Variants in CENPI observed in about 807,000 individuals in gnomAD.
CENPI encodes FSH primary response 1.
In CENPI, 4 loss-of-function variants were observed where a neutral mutation model predicts 60.4. That is an observed-to-expected ratio of 0.07 (90% CI 0.03 to 0.15). The LOEUF is 0.15. Ranked by LOEUF, CENPI falls within the 10% of genes least tolerant of loss-of-function variation. The probability of loss-of-function intolerance (pLI) is 1.00; values close to 1 mark genes in which losing one functional copy is unlikely to be tolerated. For synonymous variants in CENPI, 157 were observed against 189.4 expected (o/e 0.83, Z 1.40); for missense variants, 444 against 534.5 (o/e 0.83, Z 1.67).
At chrX:101,142,637 G>A (rs1602834477) in intron 16 of CENPI, among the ~76,000 whole-genome samples, 1 of 111,398 alleles carries the variant, frequency 9.0e-6, no homozygotes, top group East Asian at 2.8e-4. Context: ...ATGTGCTTCA[G>A]TGGGTGGGAA....
In CENPI at chrX:101,155,390, A is replaced by C. The variant is rs181343379; in HGVS notation, c.2095-6138A>C. Among the ~76,000 whole-genome samples the C allele has an allele frequency of 9.9e-5, 11 of 111,090 alleles. No homozygotes were observed. In the East Asian group the frequency reaches 3.1e-3, roughly 31 times the overall value. The stretch of plus-strand genomic sequence containing the variant: ...TTTTTAGTAGAGATGGGGTTTTACC[A>C]TGTTGGCCAGGCTGGTCTCAAACTC... On this transcript the variant is annotated intron_variant, in intron 20 of 21. Coordinates refer to ENST00000682095, the MANE Select transcript of CENPI (RefSeq NM_001386188.2).
At chrX:101,170,878 C>T (rs1028883614), downstream of CENPI, among the ~76,000 whole-genome samples, 7 of 111,030 alleles carry the variant, frequency 6.3e-5, no homozygotes, top group South Asian at 3.8e-4. Flanking sequence ...GCGATCTGTG[C>T]GCCTCAGACT....
chrX:101,171,850 A>G, the CENPI span, among the ~76,000 whole-genome samples: 1 of 112,177 alleles, frequency 8.9e-6, no homozygotes, highest in Non-Finnish European at 1.9e-5. Context: ...GAACTTTATC[A>G]TAGTTAAAAA....
At chrX:101,098,273 C>T (rs1446893591) in intron 1 of CENPI, 25 bp downstream of exon 1, 1 of 112,767 alleles carries the variant, frequency 8.9e-6, no homozygotes, top group Non-Finnish European at 1.9e-5. Flanking sequence ...TTAAGCACCG[C>T]GCGAAATGGG....
chrX:101,130,154 C>A, intron 13 of CENPI, 81 bp downstream of exon 13: 1 of 734,364 alleles, frequency 1.4e-6, no homozygotes, highest in Non-Finnish European at 2.1e-6. Context: ...CCTTTTCTTG[C>A]CCGGCTGCGG....
At chrX:101,115,708 G>C (rs1374969038) in intron 6 of CENPI, among the ~76,000 whole-genome samples, 1 of 111,533 alleles carries the variant, frequency 9.0e-6, no homozygotes, top group Non-Finnish European at 1.9e-5. Context: ...TCATTGACAT[G>C]AATTACATTC....
intron 6 of CENPI, among the ~76,000 whole-genome samples, chrX:101,116,914 T>A (rs747880500): frequency 9.9e-5 from 11 of 111,540 alleles, no homozygotes; most frequent in Non-Finnish European, 2.1e-4. Context: ...GTGGTTTTGA[T>A]TTGCATTTCC....
intron 20 of CENPI, among the ~76,000 whole-genome samples, chrX:101,159,312 C>T (rs181365429): frequency 0.012 from 1,291 of 109,579 alleles, 7 homozygotes; most frequent in Middle Eastern, 0.085. Context: ...CAGGCACCCG[C>T]CACCACGCCT....
chrX:101,144,037 A>G (rs751955757), intron 16 of CENPI, among the ~76,000 whole-genome samples: 1 of 106,343 alleles, frequency 9.4e-6, no homozygotes, highest in South Asian at 4.0e-4. Context: ...TTTCTAGTTT[A>G]CTGTATCATT....
At chrX:101,156,162 G>A (rs113047042) in intron 20 of CENPI, among the ~76,000 whole-genome samples, 21,420 of 109,978 alleles carry the variant, frequency 0.19, 1,661 homozygotes, top group South Asian at 0.34. Context: ...ACAGGCACCC[G>A]CCACCACACC....
chrX:101,121,906 G>A (rs1381753649), intron 8 of CENPI, among the ~76,000 whole-genome samples: 2 of 103,678 alleles, frequency 1.9e-5, no homozygotes, highest in Non-Finnish European at 3.9e-5. Context: ...GGGTTCAAGC[G>A]ATTCTCCTGC....
intron 13 of CENPI, among the ~76,000 whole-genome samples, chrX:101,130,466 A>G (rs2089784954): frequency 1.8e-5 from 2 of 111,929 alleles, no homozygotes; most frequent in Admixed American, 9.5e-5. Flanking sequence ...CCTTTTTTTT[A>G]GTACCTGACA....
intron 6 of CENPI, among the ~76,000 whole-genome samples, chrX:101,113,330 ATT>A (rs1270271472): frequency 2.2e-5 from 2 of 89,725 alleles, no homozygotes; most frequent in Admixed American, 2.6e-4. Context: ...CACAGAGTAG[ATT>A]TTTTTTTTTT....
intron 15 of CENPI, among the ~76,000 whole-genome samples, chrX:101,134,869 C>G (rs1384010588): frequency 1.8e-5 from 2 of 110,537 alleles, no homozygotes; most frequent in Non-Finnish European, 3.8e-5. Flanking sequence ...ACTAAAAATA[C>G]AAAAATTAGC....
At chrX:101,134,503 G>A (rs1032352775) in intron 15 of CENPI, among the ~76,000 whole-genome samples, 1 of 111,499 alleles carries the variant, frequency 9.0e-6, no homozygotes, top group African/African-American at 3.3e-5. Context: ...GCGTCATTAA[G>A]GGCCCAGCAG....
chrX:101,161,432 T>C (rs1219240485), intron 20 of CENPI, 96 bp from the exon 21 acceptor site: 4 of 756,035 alleles, frequency 5.3e-6, no homozygotes. Context: ...ATCTTAATTT[T>C]CTGATGATTT....
chrX:101,175,697 G>A, the CENPI span, among the ~76,000 whole-genome samples: 3 of 111,544 alleles, frequency 2.7e-5, no homozygotes, highest in African/African-American at 9.8e-5. Flanking sequence ...TACTTATGGG[G>A]TGCATGGGAT....
intron 20 of CENPI, among the ~76,000 whole-genome samples, chrX:101,149,445 T>C (rs1054191945): frequency 4.5e-5 from 5 of 110,807 alleles, no homozygotes; most frequent in Non-Finnish European, 9.4e-5. Context: ...TGAGGCAGAA[T>C]TGTAGGGCTA....
chrX:101,138,731 T>C (rs1177491297), intron 15 of CENPI, among the ~76,000 whole-genome samples: 1 of 109,215 alleles, frequency 9.2e-6, no homozygotes, highest in African/African-American at 3.3e-5. Flanking sequence ...GCTCAAGTGA[T>C]CCTCCCGGCT....
Sources: gnomAD v4.1 joint callset for allele counts (sites outside exome capture counted in the v4.1 genomes callset) on GRCh38, gnomAD v4.1.1 for gene constraint, MANE v1.5 for transcripts, NCBI Gene and HGNC (gene_info 2026-07-23, HGNC 2026-07-21) for gene names.